PCDHA1: variants seen among roughly 807,000 people sequenced by gnomAD.
The protein encoded by PCDHA1 is protocadherin alpha 1.
Under a neutral mutation model 61.3 loss-of-function variants are expected in PCDHA1, and 42 were observed. The ratio of observed to expected loss-of-function variants is 0.69; its 90% CI spans 0.54 to 0.89. The LOEUF (loss-of-function observed/expected upper bound fraction) is 0.89, where lower values mean the gene tolerates loss of function less well. PCDHA1 is among the 40% of genes least tolerant of loss of function. The pLI is 0.00. For missense variants in PCDHA1, 1,256 were observed against 1,235.3 expected (o/e 1.02, Z -0.25); for synonymous variants, 610 against 553.8 (o/e 1.10, Z -1.43).
intron 1 of PCDHA1, chr5:140,877,909 C>A: frequency 6.3e-6 from 9 of 1,432,578 alleles, no homozygotes; most frequent in Non-Finnish European, 7.3e-6. Flanking sequence ...TAACTACATT[C>A]TCTCATTTTT....
intron 1 of PCDHA1, chr5:140,862,791 G>A (rs782639549): frequency 1.7e-6 from 1 of 578,844 alleles, no homozygotes; most frequent in Non-Finnish European, 3.3e-6. Context: ...TGGACTACGA[G>A]GAGCTGGAGC....
intron 1 of PCDHA1, chr5:140,857,764 G>T (rs552891884): frequency 6.3e-7 from 1 of 1,597,520 alleles, no homozygotes; most frequent in Non-Finnish European, 8.6e-7. Flanking sequence ...CTGGCAGCGC[G>T]GGCGGTGCAG....
intron 1 of PCDHA1, among the ~76,000 whole-genome samples, chr5:140,893,506 A>G (rs2064024014): frequency 1.3e-5 from 2 of 152,170 alleles, no homozygotes; most frequent in African/African-American, 4.8e-5. Flanking sequence ...AGAAAAAAAA[A>G]GCAGTTGTAG....
chr5:140,882,582 A>G (rs1554174663), intron 1 of PCDHA1: 1 of 1,614,114 alleles, frequency 6.2e-7, no homozygotes, highest in East Asian at 2.2e-5. Context: ...TGCAGCATCC[A>G]CCTGGAGGTG....
intron 1 of PCDHA1, among the ~76,000 whole-genome samples, chr5:140,904,267 A>C (rs2070997540): frequency 6.6e-6 from 1 of 152,016 alleles, no homozygotes; most frequent in South Asian, 2.1e-4. Context: ...CCCACTTATG[A>C]ATGAGAACAT....
At chr5:140,884,054 G>A (rs1313975286) in intron 1 of PCDHA1, 1 of 1,613,390 alleles carries the variant, frequency 6.2e-7, no homozygotes, top group Non-Finnish European at 8.5e-7. Flanking sequence ...GAAGGTGCGC[G>A]CGGTGGACGC....
At chr5:140,969,284 G>T (rs782449740) in intron 1 of PCDHA1, 1 of 1,614,216 alleles carries the variant, frequency 6.2e-7, no homozygotes, top group Non-Finnish European at 8.5e-7. Flanking sequence ...TGGTCAGAAT[G>T]CTGGGAACCT....
chr5:140,941,227 C>CTT (rs797022976), intron 1 of PCDHA1, among the ~76,000 whole-genome samples: 1 of 136,000 alleles, frequency 7.4e-6, no homozygotes, highest in African/African-American at 2.8e-5. Context: ...TTCTTTCTTT[C>CTT]TTTCTTTCTT....
At chr5:140,884,681 A>G (rs2060314464) in intron 1 of PCDHA1, 1 of 1,546,928 alleles carries the variant, frequency 6.5e-7, no homozygotes, top group Non-Finnish European at 8.7e-7. Flanking sequence ...ATATTTTAAA[A>G]AATTGTCTTA....
chr5:140,994,318 C>G (rs782231160), intron 3 of PCDHA1, among the ~76,000 whole-genome samples: 18 of 152,300 alleles, frequency 1.2e-4, no homozygotes, highest in Non-Finnish European at 1.6e-4. Context: ...CCCAAACACT[C>G]TCAGCAACCA....
At chr5:140,961,876 T>G (rs929753490) in intron 1 of PCDHA1, among the ~76,000 whole-genome samples, 1 of 151,746 alleles carries the variant, frequency 6.6e-6, no homozygotes, top group South Asian at 2.1e-4. Context: ...ATAATTGACT[T>G]ACTTACATCA....
chr5:141,010,001 A>G lies in PCDHA1; in HGVS notation c.*64A>G. The G allele has an allele frequency of 6.4e-7, 1 of 1,574,588 alleles. No homozygotes were observed. The highest frequency in any genetic ancestry group is 8.6e-7 in the Non-Finnish European group (1 of 1,164,348). On this transcript the variant is annotated 3_prime_UTR_variant, in exon 4 of 4. Transcript: ENST00000504120. ...TAATAATGGCAAATCTCTCCCATGT[A>G]GCAATTCCCTGCTCCTTTTTCCTAT...
chr5:140,836,220 C>A lies in PCDHA1; in HGVS notation c.2394+47536C>A, dbSNP rs2150255697. The stretch of plus-strand genomic sequence containing the variant: ...CGCGTGGCTTTCGTATGAGTTGCAA[C>A]CGGTGGCGGCCGGTGCGAGCATCCC... On this transcript the variant is annotated intron_variant, in intron 1 of 3. Coordinates refer to ENST00000504120, the MANE Select transcript of PCDHA1 (RefSeq NM_018900.4). The A allele has an allele frequency of 4.3e-6, 7 of 1,613,810 alleles. No homozygotes were observed. The Admixed American group carries it at 1.2e-4, about 27-fold the overall frequency.
intron 1 of PCDHA1, chr5:140,870,008 G>A (rs2051578395): frequency 1.2e-6 from 2 of 1,613,528 alleles, no homozygotes; most frequent in Non-Finnish European, 1.7e-6. Flanking sequence ...GGAGAAGTGA[G>A]GGTCAATGGA....
At chr5:140,843,010 G>A (rs1778474215) in intron 1 of PCDHA1, 2 of 1,595,044 alleles carry the variant, frequency 1.3e-6, no homozygotes, top group Non-Finnish European at 1.7e-6. Context: ...ACAACGCGCC[G>A]GCACTGCTGG....
intron 1 of PCDHA1, among the ~76,000 whole-genome samples, chr5:140,973,587 C>T (rs2096594455): frequency 6.6e-6 from 1 of 152,194 alleles, no homozygotes; most frequent in African/African-American, 2.4e-5. Flanking sequence ...ACTGCTGAGC[C>T]AGATGGAATT....
intron 1 of PCDHA1, chr5:140,878,049 A>G (rs1365340256): frequency 2.1e-6 from 1 of 479,780 alleles, no homozygotes; most frequent in African/African-American, 2.0e-5. Flanking sequence ...GCCATGGAGC[A>G]CCACACTTAA....
At chr5:140,882,235 A>G (rs782339930) in intron 1 of PCDHA1, 9 of 1,580,864 alleles carry the variant, frequency 5.7e-6, no homozygotes, top group Admixed American at 1.8e-5. Flanking sequence ...CGTTGTATAT[A>G]TTGCAGATAG....
chr5:140,863,010 A>ACGCCTGGTTGT (rs782452232), intron 1 of PCDHA1: 1 of 552,120 alleles, frequency 1.8e-6, no homozygotes, highest in African/African-American at 1.9e-5. Context: ...TCCAGCTATG[A>ACGCCTGGTTGT]CGCCTGGTTG....
Sources: allele counts gnomAD v4.1 joint callset (sites outside exome capture counted in the v4.1 genomes callset), GRCh38; gene constraint gnomAD v4.1.1; transcripts MANE v1.5; gene names NCBI Gene and HGNC (gene_info 2026-07-23, HGNC 2026-07-21).